RBFOX1: variants seen among roughly 807,000 people sequenced by gnomAD.
The protein encoded by RBFOX1 is RNA binding fox-1 homolog 1, also known as RNA binding protein fox-1 homolog 1.
In RBFOX1, 8 loss-of-function variants were observed where a neutral mutation model predicts 57.7. The ratio of observed to expected loss-of-function variants is 0.14; its 90% CI spans 0.08 to 0.25. The LOEUF is 0.25. RBFOX1 is among the 10% of genes least tolerant of loss of function. The pLI is 1.00. For missense variants in RBFOX1, 611 were observed against 548.5 expected (o/e 1.11, Z -1.14); for synonymous variants, 326 against 222.4 (o/e 1.47, Z -4.15).
intron 4 of RBFOX1, among the ~76,000 whole-genome samples, chr16:7,056,390 G>A (rs1048391586): frequency 6.6e-6 from 1 of 152,130 alleles, no homozygotes; most frequent in Admixed American, 6.5e-5. Context: ...TTCTTCTGGG[G>A]ACATGGTCAG....
chr16:5,671,358 G>C (rs143233843), intron 3 of RBFOX1, among the ~76,000 whole-genome samples: 11 of 152,068 alleles, frequency 7.2e-5, no homozygotes, highest in Middle Eastern at 3.2e-3. Context: ...AGAGAGGGAT[G>C]CTCCATTATT....
intron 2 of RBFOX1, among the ~76,000 whole-genome samples, chr16:6,343,273 G>C (rs1178099754): frequency 1.3e-5 from 2 of 152,036 alleles, no homozygotes; most frequent in African/African-American, 4.8e-5. Context: ...TGTCTATTAG[G>C]TAATCTGTGT....
intron 3 of RBFOX1, among the ~76,000 whole-genome samples, chr16:6,897,314 A>C (rs572136184): frequency 6.6e-6 from 1 of 152,336 alleles, no homozygotes; most frequent in East Asian, 1.9e-4. Context: ...GAGGAGGGAG[A>C]ATCGCTTGAA....
chr16:6,843,049 G>A (rs983968844), intron 3 of RBFOX1, among the ~76,000 whole-genome samples: 3 of 152,000 alleles, frequency 2.0e-5, no homozygotes, highest in Admixed American at 6.6e-5. Flanking sequence ...TATGTGCCAC[G>A]TGTTCTTTAT....
chr16:7,421,761 A>G (rs569873355), intron 4 of RBFOX1, among the ~76,000 whole-genome samples: 1 of 152,356 alleles, frequency 6.6e-6, no homozygotes, highest in African/African-American at 2.4e-5. Context: ...GCGTTTCTGT[A>G]CCATGGCATC....
chr16:7,044,363 A>G (rs1436474437), intron 3 of RBFOX1, among the ~76,000 whole-genome samples: 2 of 152,212 alleles, frequency 1.3e-5, no homozygotes, highest in Non-Finnish European at 2.9e-5. Flanking sequence ...GGGTCAGAAT[A>G]AAGCAGGAAG....
chr16:6,566,137 C>G (rs1186871626), intron 2 of RBFOX1, among the ~76,000 whole-genome samples: 3 of 152,172 alleles, frequency 2.0e-5, no homozygotes, highest in Admixed American at 6.5e-5. Context: ...TTAGCTAAAA[C>G]AAGACATTCA....
intron 3 of RBFOX1, chr16:5,838,144 A>C (rs1439672119): frequency 6.4e-6 from 1 of 155,202 alleles, no homozygotes; most frequent in East Asian, 1.9e-4. Context: ...GAAAGAATAC[A>C]ACACCAGAAT....
At chr16:7,260,465 T>G (rs2094874650) in intron 4 of RBFOX1, among the ~76,000 whole-genome samples, 1 of 151,930 alleles carries the variant, frequency 6.6e-6, no homozygotes, top group African/African-American at 2.4e-5. Flanking sequence ...GCTAAGGCAC[T>G]GTTTGATTTT....
intron 11 of RBFOX1, among the ~76,000 whole-genome samples, chr16:7,632,655 C>T (rs2061161305): frequency 6.6e-6 from 1 of 152,146 alleles, no homozygotes; most frequent in Non-Finnish European, 1.5e-5. Context: ...GTTGGTGTGC[C>T]AAAACTTACC....
chr16:5,299,935 G>T (rs748065793), intron 1 of RBFOX1, among the ~76,000 whole-genome samples: 2 of 151,654 alleles, frequency 1.3e-5, no homozygotes, highest in Non-Finnish European at 2.9e-5. Context: ...TTTAATAGAT[G>T]CACTTTATCA....
chr16:5,503,514 G>A (rs557280456), intron 2 of RBFOX1, among the ~76,000 whole-genome samples: 1 of 152,330 alleles, frequency 6.6e-6, no homozygotes, highest in Admixed American at 6.5e-5. Context: ...CGCAATCACG[G>A]CTCACTGTAG....
intron 4 of RBFOX1, among the ~76,000 whole-genome samples, chr16:7,370,599 AGCAT>A (rs1345116564): frequency 1.3e-5 from 2 of 152,176 alleles, no homozygotes; most frequent in Non-Finnish European, 2.9e-5. Context: ...CAGAGTTGAT[AGCAT>A]GCATTTCAGG....
chr16:6,564,319 C>T (rs1236886403), intron 2 of RBFOX1, among the ~76,000 whole-genome samples: 1 of 151,974 alleles, frequency 6.6e-6, no homozygotes, highest in Non-Finnish European at 1.5e-5. Flanking sequence ...GCAGTGCATA[C>T]AGTGGAGTAT....
chr16:6,463,810 C>G (rs916269212), intron 2 of RBFOX1, among the ~76,000 whole-genome samples: 1 of 152,208 alleles, frequency 6.6e-6, no homozygotes, highest in South Asian at 2.1e-4. Context: ...ACGTGCCCAT[C>G]ACTAAACAAT....
At chr16:5,522,578 A>T (rs2044063413) in intron 2 of RBFOX1, among the ~76,000 whole-genome samples, 1 of 152,186 alleles carries the variant, frequency 6.6e-6, no homozygotes, top group African/African-American at 2.4e-5. Context: ...CTATTTTGAG[A>T]TATACAGTAC....
At position 5,687,766 on chromosome 16, in the gene RBFOX1, C is replaced by A. The variant is rs906584296; in HGVS notation, c.318+88805C>A. 6.6e-5 allele frequency among the ~76,000 whole-genome samples: 10 copies of A among 152,276 alleles called. No homozygotes were observed. In the South Asian group the frequency reaches 1.5e-3, roughly 22 times the overall value. ...CTGGAAGAGTTAGCCTTTCAAATCT[C>A]CACTAATGGCTCTGCTGTCGGAGTC... is the stretch of plus-strand genomic sequence containing the variant. On this transcript the variant is annotated intron_variant, in intron 3 of 19. Coordinates refer to the RBFOX1 transcript ENST00000641259.
chr16:5,549,406 G>GT (rs2045366601), intron 2 of RBFOX1, among the ~76,000 whole-genome samples: 1 of 152,166 alleles, frequency 6.6e-6, no homozygotes, highest in Non-Finnish European at 1.5e-5. Context: ...GGGTGACGTT[G>GT]ATCAGAAGGA....
intron 2 of RBFOX1, among the ~76,000 whole-genome samples, chr16:6,353,532 C>G (rs1399256535): frequency 6.6e-6 from 1 of 151,928 alleles, no homozygotes; most frequent in African/African-American, 2.4e-5. Context: ...GGGATGGTCT[C>G]AGGAGACTTT....
Sources: allele counts gnomAD v4.1 joint callset (sites outside exome capture counted in the v4.1 genomes callset), GRCh38; gene constraint gnomAD v4.1.1; transcripts MANE v1.5; gene names NCBI Gene and HGNC (gene_info 2026-07-23, HGNC 2026-07-21).